Variants in UBE3C observed in about 807,000 individuals in gnomAD.
The protein encoded by UBE3C is ubiquitin protein ligase E3C, also known as ubiquitin-protein ligase E3C.
UBE3C carries 42 observed loss-of-function variants against 129.4 expected under a neutral mutation model. The ratio of observed to expected loss-of-function variants is 0.32; its 90% CI spans 0.25 to 0.42. UBE3C has a LOEUF of 0.42. Ranked by LOEUF, UBE3C falls within the 10% of genes least tolerant of loss-of-function variation. The pLI, the probability that UBE3C is intolerant of heterozygous loss-of-function variation, is 1.00. For missense variants in UBE3C, 1,049 were observed against 1,319.1 expected, an observed-to-expected ratio of 0.80 and a Z score of 3.17; for synonymous variants, 510 against 492.4, an observed-to-expected ratio of 1.04 and a Z score of -0.47.
chr7:157,144,078 G>A (rs1251865692), intron 1 of UBE3C, among the ~76,000 whole-genome samples: 1 of 152,232 alleles, frequency 6.6e-6, no homozygotes, highest in Non-Finnish European at 1.5e-5. Context: ...ATTCTGTAGG[G>A]TAGTCAGAGT....
chr7:157,225,009 AAATTTT>A (rs1468561369), intron 16 of UBE3C, among the ~76,000 whole-genome samples: 48 of 152,204 alleles, frequency 3.2e-4, no homozygotes, highest in Admixed American at 3.1e-3. Context: ...CAAGGGGTTT[AAATTTT>A]AATTTTATTT....
At chr7:157,220,925 A>G in intron 15 of UBE3C, 149 bp downstream of exon 15, 3 of 893,540 alleles carry the variant, frequency 3.4e-6, no homozygotes, top group Non-Finnish European at 5.0e-6. Context: ...TTCATCACCC[A>G]CAAAATTGCC....
At chr7:157,201,450 A>G (rs980515274) in intron 10 of UBE3C, among the ~76,000 whole-genome samples, 7 of 131,448 alleles carry the variant, frequency 5.3e-5, no homozygotes, top group Non-Finnish European at 1.1e-4. Flanking sequence ...TTATATCTTT[A>G]TCTTTTGGGG....
intron 13 of UBE3C, 23 bp downstream of exon 13, chr7:157,207,958 T>C: frequency 7.0e-7 from 1 of 1,419,854 alleles, no homozygotes; most frequent in South Asian, 1.8e-5. Context: ...TGTATTTTTT[T>C]GTTTACTGAC....
intron 14 of UBE3C, 172 bp downstream of exon 14, chr7:157,217,143 T>C (rs1218969071): frequency 3.9e-6 from 2 of 512,160 alleles, no homozygotes; most frequent in Non-Finnish European, 6.8e-6. Context: ...ATGGAACATA[T>C]AGCAGTATCA....
chr7:157,214,697 G>GGA (rs1453592599), intron 13 of UBE3C, among the ~76,000 whole-genome samples: 6 of 152,210 alleles, frequency 3.9e-5, no homozygotes, highest in Non-Finnish European at 8.8e-5. Flanking sequence ...AAGGGTGTGT[G>GGA]CTCTGTGTGG....
intron 16 of UBE3C, 76 bp from the exon 17 acceptor site, chr7:157,225,331 T>C (rs1795846834): frequency 1.3e-6 from 2 of 1,504,116 alleles, no homozygotes; most frequent in Non-Finnish European, 1.8e-6. Context: ...AAAGATAAGA[T>C]TTAGCAGTTT....
intron 19 of UBE3C, among the ~76,000 whole-genome samples, chr7:157,252,144 A>G (rs1330259571): frequency 6.6e-6 from 1 of 152,178 alleles, no homozygotes; most frequent in African/African-American, 2.4e-5. Flanking sequence ...TCAAAAAAAA[A>G]AAAAGTTATA....
intron 19 of UBE3C, among the ~76,000 whole-genome samples, chr7:157,249,460 G>A (rs1055107780): frequency 6.6e-5 from 10 of 152,058 alleles, no homozygotes; most frequent in African/African-American, 2.4e-4. Flanking sequence ...GGATTACAAT[G>A]CGCCACCACG....
rs1808588017 is a variant in UBE3C at position 157,178,677 on chromosome 7, T to C, written c.459-13T>C. 6.2e-7 allele frequency: 1 copy of C among 1,610,484 alleles called. No homozygotes were observed. The highest frequency in any genetic ancestry group is 1.3e-5 in the African/African-American group (1 of 74,896). ...ATCCTGTAAGTGTGTGAATACTTTT[T>C]TCATTTTTACAGGTTGCTGCAAAAC... On this transcript the variant is annotated splice_polypyrimidine_tract_variant and intron_variant, in intron 5 of 22. Transcript: ENST00000348165.
At chr7:157,152,595 G>C (rs192237663) in intron 1 of UBE3C, among the ~76,000 whole-genome samples, 1 of 152,070 alleles carries the variant, frequency 6.6e-6, no homozygotes, top group Non-Finnish European at 1.5e-5. Context: ...CATTGATCTC[G>C]ACTTCTGATA....
At chr7:157,236,469 T>C (rs114174700) in intron 18 of UBE3C, among the ~76,000 whole-genome samples, 1,946 of 152,344 alleles carry the variant, frequency 0.013, 43 homozygotes, top group African/African-American at 0.045. Context: ...GCGTGGTTTA[T>C]AATTTTTTAT....
In UBE3C at chr7:157,167,074, C is replaced by T. The variant is rs370895018; in HGVS notation, c.121-1974C>T. Among the ~76,000 whole-genome samples the T allele has an allele frequency of 1.6e-4, 24 of 152,236 alleles. No individual in the cohort carries two copies. In the East Asian group the frequency reaches 4.7e-3, roughly 30 times the overall value. ...CCTCCCAAGTAGCTGGGATTACAGG[C>T]GTGCACCACCATGCCCAGCTAATTT... On this transcript the variant is annotated intron_variant, in intron 2 of 22. Transcript: ENST00000348165.
intron 21 of UBE3C, chr7:157,256,574 A>G (rs959115773): frequency 1.7e-5 from 3 of 171,720 alleles, no homozygotes; most frequent in Admixed American, 6.3e-5. Context: ...TCGGTCCTTC[A>G]TATCTGTGGG....
chr7:157,212,828 T>C (rs1273441183), intron 13 of UBE3C, among the ~76,000 whole-genome samples: 1 of 152,118 alleles, frequency 6.6e-6, no homozygotes, highest in Non-Finnish European at 1.5e-5. Flanking sequence ...AGTGGCTCGA[T>C]CTCACTGCAA....
chr7:157,147,265 T>G (rs1289651911), intron 1 of UBE3C, among the ~76,000 whole-genome samples: 1 of 152,230 alleles, frequency 6.6e-6, no homozygotes, highest in Non-Finnish European at 1.5e-5. Context: ...GATTTATACC[T>G]AAGCGTTTAT....
Position 157,231,233 on chromosome 7 carries a change from A to G in UBE3C, c.2387A>G (p.Asn796Ser), listed in dbSNP as rs1563066748. 1.2e-6 allele frequency: 2 copies of G among 1,614,182 alleles called. No homozygotes were observed. The highest frequency in any genetic ancestry group is 1.7e-6 in the Non-Finnish European group (2 of 1,180,044). The change falls in exon 18 of 23, where the codon AAT becomes AGT. Residue 796 changes from asparagine (N) to serine (S), a missense_variant. Coordinates refer to ENST00000348165, the MANE Select transcript of UBE3C (RefSeq NM_014671.3). ...NPNQGFFKTT[N>S]EGLLYPNPAA... ...AACCAGGGGTTCTTTAAGACTACTA[A>G]TGAAGGGCTTCTGTACCCCAACCCG... is the stretch of plus-strand genomic sequence containing the variant.
intron 13 of UBE3C, among the ~76,000 whole-genome samples, chr7:157,210,311 C>A (rs1809556477): frequency 6.8e-6 from 1 of 147,874 alleles, no homozygotes; most frequent in Non-Finnish European, 1.5e-5. Context: ...GATTTCTGTT[C>A]TTTGGTCACC....
At chr7:157,226,070 T>C (rs1238033985) in intron 17 of UBE3C, among the ~76,000 whole-genome samples, 1 of 152,196 alleles carries the variant, frequency 6.6e-6, no homozygotes, top group Non-Finnish European at 1.5e-5. Context: ...GGCAAGAAAG[T>C]AACCAGTTCC....
Sources: allele counts gnomAD v4.1 joint callset (sites outside exome capture counted in the v4.1 genomes callset), GRCh38; gene constraint gnomAD v4.1.1; transcripts MANE v1.5; gene names NCBI Gene and HGNC (gene_info 2026-07-23, HGNC 2026-07-21).